DCLK2: variants seen among roughly 807,000 people sequenced by gnomAD.
DCLK2 encodes serine/threonine-protein kinase DCLK2.
A neutral mutation model predicts 78.4 loss-of-function variants in DCLK2; 31 were observed. The ratio of observed to expected loss-of-function variants is 0.40; its 90% CI spans 0.30 to 0.53. The LOEUF (loss-of-function observed/expected upper bound fraction) is 0.53, where lower values mean the gene tolerates loss of function less well. DCLK2 is among the 20% of genes least tolerant of loss of function. The pLI is 0.61. For missense variants in DCLK2, 872 were observed against 973.7 expected, an observed-to-expected ratio of 0.90 and a Z score of 1.39; for synonymous variants, 407 against 374.9, an observed-to-expected ratio of 1.09 and a Z score of -0.99.
At chr4:150,196,741 T>C (rs7659254) in intron 3 of DCLK2, among the ~76,000 whole-genome samples, 133,534 of 152,188 alleles carry the variant, frequency 0.88, 58,971 homozygotes, top group Middle Eastern at 0.96. Flanking sequence ...ATTCAAAATC[T>C]ACACAACTCC....
At chr4:150,169,655 T>TTA (rs1736365519) in intron 2 of DCLK2, among the ~76,000 whole-genome samples, 1 of 102,408 alleles carries the variant, frequency 9.8e-6, no homozygotes, top group African/African-American at 4.9e-5. Flanking sequence ...AAACTCCGTC[T>TTA]CAAAAAAAAA....
At chr4:150,199,138 A>T in intron 4 of DCLK2, 1 of 1,451,676 alleles carries the variant, frequency 6.9e-7, no homozygotes, top group Non-Finnish European at 9.4e-7. Flanking sequence ...GTTTTTTGCC[A>T]CTTTTCTGTT....
intron 2 of DCLK2, among the ~76,000 whole-genome samples, chr4:150,147,210 A>T (rs565408239): frequency 6.6e-6 from 1 of 152,326 alleles, no homozygotes; most frequent in South Asian, 2.1e-4. Context: ...AGGCAGGAGG[A>T]TCACTTGAGC....
chr4:150,136,979 C>CCTTTTT (rs1733735891), intron 2 of DCLK2, among the ~76,000 whole-genome samples: 1 of 82,406 alleles, frequency 1.2e-5, no homozygotes, highest in African/African-American at 4.5e-5. Context: ...TCTTCTTCTT[C>CCTTTTT]TTTTTTTTTT....
At chr4:150,191,006 G>A (rs1738411706) in intron 2 of DCLK2, among the ~76,000 whole-genome samples, 1 of 151,958 alleles carries the variant, frequency 6.6e-6, no homozygotes. Context: ...CACACCTATG[G>A]TCCCAGCTAC....
chr4:150,118,591 A>C (rs928250094), intron 2 of DCLK2, among the ~76,000 whole-genome samples: 10 of 151,958 alleles, frequency 6.6e-5, no homozygotes, highest in Admixed American at 3.9e-4. Context: ...AAAAATGCTC[A>C]AGTACATTTG....
chr4:150,159,654 T>A (rs1735562800), intron 2 of DCLK2, among the ~76,000 whole-genome samples: 1 of 152,244 alleles, frequency 6.6e-6, no homozygotes, highest in African/African-American at 2.4e-5. Context: ...AATTAAAATC[T>A]TCATTGACGA....
At chr4:150,162,808 C>T (rs913595108) in intron 2 of DCLK2, among the ~76,000 whole-genome samples, 6 of 152,074 alleles carry the variant, frequency 3.9e-5, no homozygotes, top group East Asian at 1.9e-4. Flanking sequence ...GCTGTACGTA[C>T]TCTTTGCTTC....
In DCLK2 at chr4:150,197,983, C is replaced by T; in HGVS notation, c.860-19C>T. On this transcript the variant is annotated intron_variant, in intron 3 of 15. Coordinates refer to ENST00000296550, the MANE Select transcript of DCLK2 (RefSeq NM_001040260.4). ...TTATTAAAACCAGATTTAGTTAATG[C>T]ACTTTTGTTCTTTTCTAGAATGTCG... The T allele has an allele frequency of 6.3e-7, 1 of 1,593,700 alleles. No homozygotes were observed.
chr4:150,206,582 T>G (rs545180166), intron 5 of DCLK2, among the ~76,000 whole-genome samples: 13 of 152,330 alleles, frequency 8.5e-5, no homozygotes, highest in African/African-American at 3.1e-4. Flanking sequence ...AGACTTTTGA[T>G]TTTAAATGAC....
rs34243663 is a variant in DCLK2, at chr4:150,130,168, A to G, written c.756+27356A>G. ...ATGCTGTGGAGCTCAGAAGTCCTTA[A>G]TATGTATTCACTGAGAGCCCCCCTT... On this transcript the variant is annotated intron_variant, in intron 2 of 15. Transcript: ENST00000296550. Among the ~76,000 whole-genome samples, 1,029 of 152,250 alleles carry G rather than the reference A, an allele frequency of 6.8e-3. 14 individuals carry two copies. Among genetic ancestry groups the G allele is most frequent in the African/African-American group, 0.024 (978 of 41,518 alleles).
At chr4:150,135,896 A>C (rs1733653228) in intron 2 of DCLK2, among the ~76,000 whole-genome samples, 1 of 152,230 alleles carries the variant, frequency 6.6e-6, no homozygotes, top group Admixed American at 6.5e-5. Flanking sequence ...GCAGCTTTGA[A>C]AGTGAGATGG....
intron 1 of DCLK2, among the ~76,000 whole-genome samples, chr4:150,087,823 T>C (rs1161941210): frequency 2.0e-5 from 3 of 152,166 alleles, no homozygotes; most frequent in Non-Finnish European, 2.9e-5. Flanking sequence ...TTATAGCCAG[T>C]TTTTACATAC....
intron 5 of DCLK2, among the ~76,000 whole-genome samples, chr4:150,211,249 T>C (rs1371386360): frequency 2.0e-5 from 3 of 152,118 alleles, no homozygotes. Flanking sequence ...CATGTGGACC[T>C]CTCTGTAAGT....
intron 2 of DCLK2, among the ~76,000 whole-genome samples, chr4:150,187,903 G>A (rs533002549): frequency 2.0e-5 from 3 of 151,314 alleles, no homozygotes; most frequent in East Asian, 2.0e-4. Flanking sequence ...CGGTTCAAGC[G>A]ATTCCCCCTG....
intron 8 of DCLK2, among the ~76,000 whole-genome samples, chr4:150,226,423 G>C (rs903129227): frequency 4.0e-5 from 6 of 151,468 alleles, no homozygotes; most frequent in South Asian, 2.1e-4. Flanking sequence ...TACATGTAAG[G>C]GTTCTGCTTT....
intron 5 of DCLK2, among the ~76,000 whole-genome samples, chr4:150,207,037 C>T (rs1393896475): frequency 6.6e-6 from 1 of 152,122 alleles, no homozygotes; most frequent in East Asian, 1.9e-4. Context: ...CCCTTCCCTT[C>T]ATTTAAAATA....
In DCLK2 at chr4:150,221,751, G is replaced by A. The variant is rs566095628; in HGVS notation, c.1207G>A (p.Gly403Ser). The A allele has an allele frequency of 6.2e-7, 1 of 1,606,818 alleles. No individual in the cohort carries two copies. Among genetic ancestry groups the A allele is most frequent in the Admixed American group, 1.7e-5 (1 of 58,606 alleles). Residue 403 changes from glycine (G) to serine (S), a missense_variant, in exon 7 of 16, where the codon GGC becomes AGC. This residue lies in a region of DCLK2 where 567 missense variants were observed against 593.4 expected (regional missense o/e 0.96). Coordinates refer to ENST00000296550, the MANE Select transcript of DCLK2 (RefSeq NM_001040260.4). ...CAAAATTGGAAAGGTCATTGGTGATGGCAATTTTGCAGTAGTCAAAGAGTG... is the reference window on the plus strand; with the variant it reads ...CAAAATTGGAAAGGTCATTGGTGATAGCAATTTTGCAGTAGTCAAAGAGTG... Reference protein sequence around the residue: ...KYKIGKVIGDGNFAVVKECID... With the variant: ...KYKIGKVIGDSNFAVVKECID...
At chr4:150,168,021 C>T (rs1185014431) in intron 2 of DCLK2, among the ~76,000 whole-genome samples, 1 of 152,116 alleles carries the variant, frequency 6.6e-6, no homozygotes, top group Non-Finnish European at 1.5e-5. Context: ...AAGGAGGGCG[C>T]AAGACCCCAG....
Sources: gnomAD v4.1 joint callset for allele counts (sites outside exome capture counted in the v4.1 genomes callset) on GRCh38, gnomAD v4.1.1 for gene constraint, gnomAD v4.1.1 regional missense constraint, MANE v1.5 for transcripts, NCBI Gene and HGNC (gene_info 2026-07-23, HGNC 2026-07-21) for gene names.